DVL1: variants seen among roughly 807,000 people sequenced by gnomAD.
The protein encoded by DVL1 is segment polarity protein dishevelled homolog DVL-1.
Under a neutral mutation model 65.0 loss-of-function variants are expected in DVL1, and 49 were observed. The ratio of observed to expected loss-of-function variants is 0.75; its 90% CI spans 0.60 to 0.96. The LOEUF (loss-of-function observed/expected upper bound fraction) is 0.96. Among genes scored for constraint, DVL1 ranks in the 40% least tolerant of loss-of-function variants. DVL1 has a pLI of 0.00. For synonymous variants in DVL1, 608 were observed against 433.9 expected (o/e 1.40, Z -4.99); for missense variants, 1,197 against 1,045.4 (o/e 1.15, Z -2.00).
chr1:1,341,268 G>A lies in DVL1; in HGVS notation c.605+399C>T, dbSNP rs149642227. The stretch of plus-strand genomic sequence containing the variant: ...ACGCGTGCATTGTGAAAACGCTCAC[G>A]TGCACACTGTGAAAACGCACCTCAC... On this transcript the variant is annotated intron_variant, in intron 5 of 14. Transcript: ENST00000378888. Among the ~76,000 whole-genome samples the A allele has an allele frequency of 8.6e-4, 130 of 150,946 alleles. 2 individuals carry two copies. In the East Asian group the frequency reaches 0.023, roughly 26 times the overall value.
intron 1 of DVL1, among the ~76,000 whole-genome samples, chr1:1,345,493 G>C (rs945208336): frequency 1.3e-5 from 2 of 152,190 alleles, no homozygotes; most frequent in African/African-American, 4.8e-5. Context: ...CCACAACCCG[G>C]GGTCCCCGCG....
At position 1,338,021 on chromosome 1, in the gene DVL1, C is replaced by T. The variant is rs1288992035; in HGVS notation, c.1670G>A (p.Gly557Asp). Reference protein sequence around the residue: ...PCFPPAYQDPGFSYGSGSTGS... With the variant: ...PCFPPAYQDPDFSYGSGSTGS... ...GGTGCTGCCGCTGCCATAGCTAAAG[C>T]CCGGGTCCTGGTAGGCAGGCGGGAA... The change falls in exon 14 of 15, where the codon GGC becomes GAC. Residue 557 changes from glycine to aspartate, a missense_variant. Coordinates refer to ENST00000378888, the MANE Select transcript of DVL1 (RefSeq NM_001330311.2). The T allele has an allele frequency of 6.2e-7, 1 of 1,612,002 alleles. No homozygotes were observed. Among genetic ancestry groups the T allele is most frequent in the East Asian group, 2.2e-5 (1 of 44,868 alleles).
chr1:1,349,390 GC>G lies in DVL1; in HGVS notation c.-326del, dbSNP rs1200712609. 6.9e-6 allele frequency: 1 copy of G among 145,966 alleles called. No homozygotes were observed. The highest frequency in any genetic ancestry group is 2.5e-5 in the African/African-American group (1 of 40,754). 9.0% of individuals were successfully genotyped at this position (145,966 alleles called of 1,614,324 possible). On this transcript the variant is annotated 5_prime_UTR_variant, in exon 1 of 15. Coordinates refer to ENST00000378888, the MANE Select transcript of DVL1 (RefSeq NM_001330311.2). This position sits in a 1 kb window ranked among gnomAD's most constrained non-coding sequence, Gnocchi z 4.1. ...CTCGGGCCGCGCCGTTAAAGGGACC[GC>G]CCGGCCCGGGGTCCTGAGCGTGGCC...
intron 5 of DVL1, among the ~76,000 whole-genome samples, chr1:1,341,038 C>CT (rs1426872689): frequency 6.7e-6 from 1 of 148,772 alleles, no homozygotes; most frequent in African/African-American, 2.5e-5. Flanking sequence ...CCCCTGCACA[C>CT]ACGCACCCCT....
At chr1:1,342,610 C>A in intron 2 of DVL1, 79 bp downstream of exon 2, 1 of 1,587,402 alleles carries the variant, frequency 6.3e-7, no homozygotes, top group Non-Finnish European at 8.6e-7. Context: ...CCTCCCCACA[C>A]CCACCGCCTC....
intron 1 of DVL1, among the ~76,000 whole-genome samples, chr1:1,344,109 C>T (rs1643884856): frequency 6.6e-6 from 1 of 152,186 alleles, no homozygotes; most frequent in Non-Finnish European, 1.5e-5. Context: ...GCAGGCAGGG[C>T]TGTGGTCGAC....
At chr1:1,340,808 C>T (rs1261213488) in intron 5 of DVL1, among the ~76,000 whole-genome samples, 1 of 144,868 alleles carries the variant, frequency 6.9e-6, no homozygotes, top group Non-Finnish European at 1.5e-5. Context: ...ACAAGGCACA[C>T]ATGCACACAC....
intron 1 of DVL1, among the ~76,000 whole-genome samples, chr1:1,345,617 C>T (rs1360808940): frequency 3.3e-5 from 5 of 152,164 alleles, no homozygotes; most frequent in African/African-American, 1.2e-4. Flanking sequence ...GTGCTGCCCC[C>T]ACAGACCCGC....
chr1:1,344,556 C>T (rs1160669700), intron 1 of DVL1, among the ~76,000 whole-genome samples: 1 of 152,088 alleles, frequency 6.6e-6, no homozygotes, highest in East Asian at 1.9e-4. Context: ...CCTCTGGGGT[C>T]CTGCAGCTGC....
rs200411366 is a variant in DVL1, at chr1:1,338,242, G to T, written c.1507+27C>A. ...GGCCTCCGGCGTTCCCCTCCCCCCC[G>T]CCCTGAAGCCCGAAGCCCCCACTCA... On this transcript the variant is annotated intron_variant, in intron 13 of 14. Transcript: ENST00000378888. The T allele has an allele frequency of 8.8e-4, 304 of 344,254 alleles. No homozygotes were observed. The African/African-American group carries it at 0.011, about 12-fold the overall frequency. The allele number at this position is 344,254 out of a possible 1,614,324, so 21.3% of individuals were successfully genotyped here. A position where few individuals can be genotyped will look rare whatever the true frequency, so the allele number is the denominator to read the frequency against.
At chr1:1,338,977 A>C (rs919374520) in intron 11 of DVL1, among the ~76,000 whole-genome samples, 1 of 152,170 alleles carries the variant, frequency 6.6e-6, no homozygotes, top group Non-Finnish European at 1.5e-5. Flanking sequence ...CCCACCCGAG[A>C]GCGCAGGCTG....
intron 14 of DVL1, 87 bp downstream of exon 14, chr1:1,337,889 TG>T (rs747410001): frequency 1.3e-6 from 1 of 776,696 alleles, no homozygotes; most frequent in Non-Finnish European, 1.8e-6. Context: ...AGCAGCGGGG[TG>T]GGGTGGAACT....
In DVL1 at chr1:1,336,220, G is replaced by A. The variant is rs1357053905; in HGVS notation, c.2010C>T (p.Pro670=). 3.2e-6 allele frequency: 5 copies of A among 1,558,884 alleles called. No homozygotes were observed. Among genetic ancestry groups the A allele is most frequent in the Middle Eastern group, 1.7e-4 (1 of 6,032 alleles). ...GPPVRELAAV[P]PELTGSRQSF... ...ACTGGCGGCTGCCTGTCAATTCCGG[G>A]GGGACGGCAGCCAGCTCCCGGACAG... The change falls in exon 15 of 15, where the codon CCC becomes CCT. Residue 670 remains proline (P), a synonymous_variant. Transcript: ENST00000378888.
chr1:1,338,516 A>C lies in DVL1; in HGVS notation c.1339+6T>G. 1 of 1,612,060 alleles carries C rather than the reference A, an allele frequency of 6.2e-7. No homozygotes were observed. The highest frequency in any genetic ancestry group is 1.3e-5 in the African/African-American group (1 of 74,996). On this transcript the variant is annotated splice_donor_region_variant and intron_variant, in intron 12 of 14. Coordinates refer to ENST00000378888, the MANE Select transcript of DVL1 (RefSeq NM_001330311.2). ...GCACTATCCGCCCGCGGGGACGGCCACTCACCGATGACGGCATTGGCGATG... is the reference window on the plus strand; with the variant it reads ...GCACTATCCGCCCGCGGGGACGGCCCCTCACCGATGACGGCATTGGCGATG...
At position 1,335,674 on chromosome 1, in the gene DVL1, G is replaced by A. The variant is rs575030416; in HGVS notation, c.*468C>T. ...AAGGTGCAGGCTGCTCCAAGGGGCA[G>A]CAGCAGGTGGGACAGATGACAGGGT... On this transcript the variant is annotated 3_prime_UTR_variant, in exon 15 of 15. Transcript: ENST00000378888. 10 of 163,808 alleles carry A rather than the reference G, an allele frequency of 6.1e-5. 1 individual carries two copies. Among genetic ancestry groups the A allele is most frequent in the Non-Finnish European group, 8.0e-5 (6 of 74,948 alleles). 10.1% of individuals were successfully genotyped at this position (163,808 alleles called of 1,614,324 possible). A position where few individuals can be genotyped will look rare whatever the true frequency, so the allele number is the denominator to read the frequency against.
At position 1,348,949 on chromosome 1, in the gene DVL1, G is replaced by C; in HGVS notation, c.117C>G (p.Asn39Lys). 4 of 1,575,158 alleles carry C rather than the reference G, an allele frequency of 2.5e-6. No individual in the cohort carries two copies. The highest frequency in any genetic ancestry group is 3.5e-6 in the Non-Finnish European group (4 of 1,157,354). The change falls in exon 1 of 15, where the codon AAC (asparagine) becomes AAG (lysine). Residue 39 changes from asparagine (N) to lysine (K), a missense_variant. Asn to Lys is a moderately conservative substitution (Grantham distance 94). Transcript: ENST00000378888. ...TLADFKNVLS[N>K]RPVHAYKFFF... Reference sequence around the variant, plus strand: ...AGAATTTGTAGGCGTGCACGGGCCGGTTGCTGAGCACGTTCTTGAAGTCGG... The same window carrying C: ...AGAATTTGTAGGCGTGCACGGGCCGCTTGCTGAGCACGTTCTTGAAGTCGG...
At chr1:1,341,860 T>G (rs1569721367) in intron 4 of DVL1, 55 bp from the exon 5 acceptor site, 1 of 1,514,672 alleles carries the variant, frequency 6.6e-7, no homozygotes, top group Non-Finnish European at 8.9e-7. Context: ...GGTCATGGGT[T>G]TGGGGCTGCC....
At position 1,336,302 on chromosome 1, in the gene DVL1, G is replaced by A. The variant is rs780834482; in HGVS notation, c.1928C>T (p.Pro643Leu). ...ATAGGCCTTGGTCGTGGGGTGGGGC[G>A]GGGGGAGCCCCGGGGCGGTAGCCGA... is the stretch of plus-strand genomic sequence containing the variant. The part of the protein sequence containing the change: ...QASATAPGLP[P>L]PHPTTKAYTV... The change falls in exon 15 of 15, where the codon CCG becomes CTG. Residue 643 changes from proline (P) to leucine (L), a missense_variant. Coordinates refer to ENST00000378888, the MANE Select transcript of DVL1 (RefSeq NM_001330311.2). 22 of 1,562,320 alleles carry A rather than the reference G, an allele frequency of 1.4e-5. No homozygotes were observed. Among genetic ancestry groups the A allele is most frequent in the African/African-American group, 1.3e-4 (10 of 74,134 alleles).
intron 1 of DVL1, among the ~76,000 whole-genome samples, chr1:1,343,716 G>A (rs1268544165): frequency 2.6e-5 from 4 of 152,154 alleles, no homozygotes; most frequent in East Asian, 1.9e-4. Context: ...CAGACCCGAC[G>A]GACGGACGTA....
Sources: gnomAD v4.1 joint callset for allele counts (sites outside exome capture counted in the v4.1 genomes callset) on GRCh38, gnomAD v4.1.1 for gene constraint, Gnocchi (gnomAD v3.1) non-coding constraint, MANE v1.5 for transcripts, NCBI Gene and HGNC (gene_info 2026-07-23, HGNC 2026-07-21) for gene names.